Variants in ZNF148 observed in about 807,000 individuals in gnomAD.
ZNF148 encodes the protein Beta-Enolase Repressor Factor-1.
ZNF148 carries 7 observed loss-of-function variants against 67.7 expected under a neutral mutation model. That is an observed-to-expected ratio of 0.10 (90% CI 0.06 to 0.19). The LOEUF (loss-of-function observed/expected upper bound fraction) is 0.19, where lower values mean the gene tolerates loss of function less well. Ranked by LOEUF, ZNF148 falls within the 10% of genes least tolerant of loss-of-function variation. ZNF148 has a pLI of 1.00. For synonymous variants in ZNF148, 333 were observed against 330.7 expected, an observed-to-expected ratio of 1.01 and a Z score of -0.08; for missense variants, 583 against 947.1, an observed-to-expected ratio of 0.62 and a Z score of 5.05.
At chr3:125,329,553 T>C (rs575242996) in intron 2 of ZNF148, among the ~76,000 whole-genome samples, 55 of 151,742 alleles carry the variant, frequency 3.6e-4, no homozygotes, top group Non-Finnish European at 3.7e-4. Context: ...AGCTGGGGTT[T>C]CACCATGTTG....
At chr3:125,274,744 G>A (rs1937954719) in intron 7 of ZNF148, among the ~76,000 whole-genome samples, 1 of 152,192 alleles carries the variant, frequency 6.6e-6, no homozygotes, top group African/African-American at 2.4e-5. Flanking sequence ...GAGACCTAAA[G>A]GGAGAAGGAA....
chr3:125,295,645 T>G (rs1939244199), intron 4 of ZNF148, among the ~76,000 whole-genome samples: 1 of 152,114 alleles, frequency 6.6e-6, no homozygotes, highest in Non-Finnish European at 1.5e-5. Context: ...TAACAGTGTG[T>G]GAGGTTGAAC....
intron 1 of ZNF148, among the ~76,000 whole-genome samples, chr3:125,343,269 T>C (rs1466386601): frequency 6.6e-6 from 1 of 151,784 alleles, no homozygotes; most frequent in Non-Finnish European, 1.5e-5. Flanking sequence ...TTAGTAAAAA[T>C]GCAAAGTACA....
intron 5 of ZNF148, among the ~76,000 whole-genome samples, chr3:125,280,477 T>C (rs558618983): frequency 4.6e-5 from 7 of 151,936 alleles, no homozygotes; most frequent in Admixed American, 4.6e-4. Context: ...AGTTCAGGAG[T>C]TCGAGACCAG....
chr3:125,273,499 C>CTT (rs397690643), intron 7 of ZNF148, among the ~76,000 whole-genome samples: 109,235 of 142,300 alleles, frequency 0.77, 42,464 homozygotes, highest in African/African-American at 0.86. Context: ...GGAAGAGAAT[C>CTT]TTTTTTTTTT....
intron 3 of ZNF148, among the ~76,000 whole-genome samples, chr3:125,318,592 C>A (rs114474857): frequency 0.027 from 4,070 of 152,280 alleles, 74 homozygotes; most frequent in Non-Finnish European, 0.043. Flanking sequence ...ATAAGCCACT[C>A]TGAGCTCCCT....
At chr3:125,326,228 G>A (rs1941011067) in intron 2 of ZNF148, among the ~76,000 whole-genome samples, 1 of 152,070 alleles carries the variant, frequency 6.6e-6, no homozygotes, top group South Asian at 2.1e-4. Context: ...TGGCAAATAT[G>A]TGGATTAATT....
In ZNF148 at chr3:125,238,899, CACAT is replaced by C. The variant is rs369545304; in HGVS notation, c.668-4574_668-4571del. Among the ~76,000 whole-genome samples the C allele has an allele frequency of 5.8e-4, 89 of 152,182 alleles. 1 individual carries two copies. Among genetic ancestry groups the C allele is most frequent in the African/African-American group, 2.1e-3 (87 of 41,516 alleles). On this transcript the variant is annotated intron_variant, in intron 7 of 8. Coordinates refer to ENST00000360647, the MANE Select transcript of ZNF148 (RefSeq NM_021964.3). ...CAGATGAATGGATAGAAATATGTGA[CACAT>C]ACAAAGAATGAAGTATTATTCACCT... is the stretch of plus-strand genomic sequence containing the variant.
intron 7 of ZNF148, among the ~76,000 whole-genome samples, chr3:125,274,830 C>T (rs1016653111): frequency 1.3e-5 from 2 of 152,158 alleles, no homozygotes; most frequent in Non-Finnish European, 2.9e-5. Context: ...TGACTCATTA[C>T]TCATTTGACA....
At chr3:125,237,914 T>C (rs1272975646) in intron 7 of ZNF148, among the ~76,000 whole-genome samples, 1 of 152,168 alleles carries the variant, frequency 6.6e-6, no homozygotes, top group Non-Finnish European at 1.5e-5. Flanking sequence ...AACCAAGATA[T>C]TGTGATAATA....
chr3:125,334,221 T>A (rs565522905), intron 1 of ZNF148, among the ~76,000 whole-genome samples: 1 of 152,284 alleles, frequency 6.6e-6, no homozygotes, highest in Non-Finnish European at 1.5e-5. Flanking sequence ...GTGGTCCAAT[T>A]TATTAATTAA....
chr3:125,337,016 CAA>C (rs1296364662), intron 1 of ZNF148, among the ~76,000 whole-genome samples: 17 of 115,338 alleles, frequency 1.5e-4, no homozygotes, highest in Non-Finnish European at 1.4e-4. Context: ...TCTACTCTCA[CAA>C]AAAAAAAAAA....
chr3:125,288,002 C>T (rs1938793854), intron 5 of ZNF148, 101 bp downstream of exon 5: 1 of 1,547,772 alleles, frequency 6.5e-7, no homozygotes. Context: ...CCACACAAGA[C>T]TTCTACATCT....
intron 7 of ZNF148, among the ~76,000 whole-genome samples, chr3:125,243,365 C>T (rs900344926): frequency 2.0e-5 from 3 of 152,142 alleles, no homozygotes; most frequent in Non-Finnish European, 4.4e-5. Flanking sequence ...AGTAATTTTT[C>T]AGTTGAACCT....
At chr3:125,251,061 T>G (rs1936820005) in intron 7 of ZNF148, among the ~76,000 whole-genome samples, 1 of 152,220 alleles carries the variant, frequency 6.6e-6, no homozygotes, top group Non-Finnish European at 1.5e-5. Context: ...TTAGGCAAAC[T>G]TTTTACTAGA....
At chr3:125,373,276 T>C (rs1488291778) in intron 1 of ZNF148, among the ~76,000 whole-genome samples, 1 of 151,006 alleles carries the variant, frequency 6.6e-6, no homozygotes, top group African/African-American at 2.4e-5. Context: ...TTTCACATAG[T>C]GATGGGGTTT....
At chr3:125,285,260 A>C (rs1938599060) in intron 5 of ZNF148, among the ~76,000 whole-genome samples, 1 of 152,206 alleles carries the variant, frequency 6.6e-6, no homozygotes, top group Non-Finnish European at 1.5e-5. Context: ...AAGGAATTTA[A>C]AACAAGTAAC....
intron 4 of ZNF148, among the ~76,000 whole-genome samples, chr3:125,312,765 T>C (rs1405664686): frequency 2.0e-5 from 3 of 152,100 alleles, no homozygotes; most frequent in Admixed American, 1.3e-4. Flanking sequence ...AAAATAAAGG[T>C]AGAAGAAGGA....
At chr3:125,326,779 T>G (rs1271613780) in intron 2 of ZNF148, among the ~76,000 whole-genome samples, 1 of 147,732 alleles carries the variant, frequency 6.8e-6, no homozygotes, top group Non-Finnish European at 1.5e-5. Context: ...TATATCTTTA[T>G]ATACATACAT....
Sources: gnomAD v4.1 joint callset for allele counts (sites outside exome capture counted in the v4.1 genomes callset) on GRCh38, gnomAD v4.1.1 for gene constraint, MANE v1.5 for transcripts, NCBI Gene and HGNC (gene_info 2026-07-23, HGNC 2026-07-21) for gene names.